Variants in DCAF6 observed in about 807,000 individuals in gnomAD.
The protein encoded by DCAF6 is DDB1 and CUL4 associated factor 6.
Under a neutral mutation model 125.1 loss-of-function variants are expected in DCAF6, and 54 were observed. The observed-to-expected ratio is 0.43, with a 90% CI of 0.35 to 0.54. The LOEUF (loss-of-function observed/expected upper bound fraction) is 0.54. Among genes scored for constraint, DCAF6 ranks in the 20% least tolerant of loss-of-function variants. The pLI, the probability that DCAF6 is intolerant of heterozygous loss-of-function variation, is 0.01. For synonymous variants in DCAF6, 371 were observed against 390.4 expected (o/e 0.95, Z 0.58); for missense variants, 934 against 1,161.7 (o/e 0.80, Z 2.85).
chr1:167,905,042 T>C, the DCAF6 span: 1 of 1,614,136 alleles, frequency 6.2e-7, no homozygotes, highest in Non-Finnish European at 8.5e-7. Flanking sequence ...CCATAAAGGG[T>C]CGCTCTGGGG....
At chr1:168,035,763 TTAAA>T (rs1439897940) in intron 12 of DCAF6, among the ~76,000 whole-genome samples, 3 of 152,014 alleles carry the variant, frequency 2.0e-5, no homozygotes, top group African/African-American at 7.3e-5. Context: ...TCCTGAGAGA[TTAAA>T]TAAGAACTCT....
Position 168,043,121 on chromosome 1 carries a change from A to G in DCAF6, c.1824A>G (p.Pro608=). ...TCCCACAGAGCTCAGTGCAACCACC[A>G]GAAGGAGACAGTGAAACAAGTAAGG... The part of the protein sequence containing the change: ...SFVPQSSVQP[P]EGDSETKAPE... Residue 608 remains proline, a synonymous_variant, in exon 14 of 22, where the codon CCA becomes CCG. Transcript: ENST00000367840. 1 of 1,612,574 alleles carries G rather than the reference A, an allele frequency of 6.2e-7. No homozygotes were observed. Among genetic ancestry groups the G allele is most frequent in the South Asian group, 1.1e-5 (1 of 90,840 alleles).
chr1:167,942,039 A>T (rs576480708), intron 1 of DCAF6, among the ~76,000 whole-genome samples: 2 of 152,246 alleles, frequency 1.3e-5, no homozygotes, highest in South Asian at 4.1e-4. Flanking sequence ...AGGCGTGTAG[A>T]AATATATCAT....
chr1:168,061,499 A>T (rs2101940716), intron 17 of DCAF6, among the ~76,000 whole-genome samples: 1 of 152,238 alleles, frequency 6.6e-6, no homozygotes, highest in East Asian at 1.9e-4. Context: ...AAGCAGTATA[A>T]TGGTGATATC....
chr1:167,985,249 GCA>G (rs1679829721), intron 4 of DCAF6, among the ~76,000 whole-genome samples: 2 of 151,860 alleles, frequency 1.3e-5, no homozygotes, highest in Non-Finnish European at 2.9e-5. Context: ...GTGCGCGTGT[GCA>G]CGTGGCTTAA....
intron 2 of DCAF6, among the ~76,000 whole-genome samples, chr1:167,960,424 G>A (rs374517332): frequency 6.6e-5 from 10 of 152,074 alleles, no homozygotes; most frequent in African/African-American, 2.2e-4. Flanking sequence ...TCAGACTCCC[G>A]AGTAGCTGGG....
upstream of DCAF6, among the ~76,000 whole-genome samples, chr1:167,934,764 C>G (rs1175767035): frequency 1.3e-5 from 2 of 152,174 alleles, no homozygotes; most frequent in South Asian, 2.1e-4. Flanking sequence ...TTCAGTCTTT[C>G]AATTTACAAC....
chr1:168,040,307 G>A (rs1688362368), intron 13 of DCAF6, among the ~76,000 whole-genome samples: 1 of 151,970 alleles, frequency 6.6e-6, no homozygotes, highest in South Asian at 2.1e-4. Context: ...GGAGAGAAGA[G>A]TAGTAGATAA....
intron 4 of DCAF6, among the ~76,000 whole-genome samples, chr1:167,983,486 C>T (rs1303967600): frequency 6.6e-6 from 1 of 152,080 alleles, no homozygotes; most frequent in East Asian, 1.9e-4. Flanking sequence ...ACCAATAAGC[C>T]TTCCAGTCTT....
At chr1:167,870,683 C>A in the DCAF6 span, among the ~76,000 whole-genome samples, 1 of 150,546 alleles carries the variant, frequency 6.6e-6, no homozygotes, top group Non-Finnish European at 1.5e-5. Context: ...GTGGCGGGTG[C>A]CTGTAGTCCC....
At chr1:167,937,075 C>T (rs1671367093) in intron 1 of DCAF6, 67 bp downstream of exon 1, 2 of 1,391,988 alleles carry the variant, frequency 1.4e-6, no homozygotes, top group Non-Finnish European at 1.0e-6. Context: ...GGCACGCTGC[C>T]GGGTCTGTTG....
the DCAF6 span, among the ~76,000 whole-genome samples, chr1:167,870,677 C>T: frequency 2.7e-5 from 4 of 149,214 alleles, no homozygotes; most frequent in Non-Finnish European, 3.0e-5. Flanking sequence ...GACTTGGTGG[C>T]GGGTGCCTGT....
At chr1:167,983,841 T>G (rs1272149340) in intron 4 of DCAF6, among the ~76,000 whole-genome samples, 1 of 152,184 alleles carries the variant, frequency 6.6e-6, no homozygotes, top group Non-Finnish European at 1.5e-5. Context: ...ACAAGCACCC[T>G]TAGGATGGGG....
At chr1:167,881,354 G>C in the DCAF6 span, among the ~76,000 whole-genome samples, 1 of 152,168 alleles carries the variant, frequency 6.6e-6, no homozygotes, top group South Asian at 2.1e-4. Context: ...GAAATTTTGA[G>C]TTTTTGACAT....
At position 168,063,622 on chromosome 1, in the gene DCAF6, C is replaced by T. The variant is rs1315869094; in HGVS notation, c.2302C>T (p.Arg768Cys). ...GTTIGDRIMR[R>C]SAVARIQEFF... ...TTTTTTAATATGTAATTCATATAGACGCTCTGCTGTTGCCCGTATTCAGGA... is the reference window on the plus strand; with the variant it reads ...TTTTTTAATATGTAATTCATATAGATGCTCTGCTGTTGCCCGTATTCAGGA... Residue 768 changes from arginine (R) to cysteine (C), a missense_variant and splice_region_variant, in exon 18 of 22, where the codon CGC becomes TGC. Around this residue, in one of 5 missense-constraint regions of DCAF6, gnomAD observed 559 missense variants for 635.5 expected, o/e 0.88. Coordinates refer to ENST00000367840, the MANE Select transcript of DCAF6 (RefSeq NM_001198956.2). 31 of 1,552,890 alleles carry T rather than the reference C, an allele frequency of 2.0e-5. No individual in the cohort carries two copies. Among genetic ancestry groups the T allele is most frequent in the African/African-American group, 5.7e-5 (4 of 70,584 alleles).
At chr1:168,074,775 A>C (rs915651103) in intron 21 of DCAF6, among the ~76,000 whole-genome samples, 7 of 152,156 alleles carry the variant, frequency 4.6e-5, no homozygotes, top group Admixed American at 2.0e-4. Flanking sequence ...ATTGGGCAAA[A>C]GTATCCCAAG....
At chr1:167,973,406 G>A (rs1677644240) in intron 3 of DCAF6, among the ~76,000 whole-genome samples, 1 of 152,160 alleles carries the variant, frequency 6.6e-6, no homozygotes, top group Non-Finnish European at 1.5e-5. Flanking sequence ...GGCATGTTGA[G>A]ACTGAATATT....
Position 168,005,258 on chromosome 1 carries a change from T to C in DCAF6, c.1378+465T>C, listed in dbSNP as rs187605835. Among the ~76,000 whole-genome samples, 6 of 152,262 alleles carry C rather than the reference T, an allele frequency of 3.9e-5. No individual in the cohort carries two copies. In the East Asian group the frequency reaches 7.7e-4, roughly 20 times the overall value. On this transcript the variant is annotated intron_variant, in intron 10 of 21. Coordinates refer to ENST00000367840, the MANE Select transcript of DCAF6 (RefSeq NM_001198956.2). ...CTATGGTGGATTTGATATGGTCTTT[T>C]GTCAACAACATATAATTTACCAAAA...
At chr1:168,067,539 A>G (rs1021344195) in intron 20 of DCAF6, among the ~76,000 whole-genome samples, 11 of 152,220 alleles carry the variant, frequency 7.2e-5, no homozygotes, top group African/African-American at 2.7e-4. Context: ...CAGAAGGATC[A>G]GCATGTGCCA....
Sources: allele counts gnomAD v4.1 joint callset (sites outside exome capture counted in the v4.1 genomes callset), GRCh38; gene constraint gnomAD v4.1.1; regional missense constraint gnomAD v4.1.1; transcripts MANE v1.5; gene names NCBI Gene and HGNC (gene_info 2026-07-23, HGNC 2026-07-21).